Variants in MSH3 observed in about 807,000 individuals in gnomAD.
MSH3 encodes DNA mismatch repair protein Msh3.
MSH3 carries 106 observed loss-of-function variants against 123.3 expected under a neutral mutation model. The ratio of observed to expected loss-of-function variants is 0.86; its 90% confidence interval spans 0.73 to 1.01. MSH3 has a LOEUF of 1.01. Ranked by LOEUF, MSH3 falls within the 50% of genes least tolerant of loss-of-function variation. MSH3 has a pLI of 0.00. For missense variants in MSH3, 1,459 were observed against 1,347.6 expected, an observed-to-expected ratio of 1.08 and a Z score of -1.29; for synonymous variants, 515 against 481.4, an observed-to-expected ratio of 1.07 and a Z score of -0.91.
chr5:80,857,793 G>C (rs1745944293), intron 21 of MSH3, among the ~76,000 whole-genome samples: 1 of 151,968 alleles, frequency 6.6e-6, no homozygotes, highest in Non-Finnish European at 1.5e-5. Context: ...TTCTTAGTTA[G>C]CTTGACTAGA....
At chr5:80,845,828 T>G (rs1359939503) in intron 20 of MSH3, among the ~76,000 whole-genome samples, 1 of 152,182 alleles carries the variant, frequency 6.6e-6, no homozygotes, top group Non-Finnish European at 1.5e-5. Context: ...GTTTTCAGCT[T>G]CCATGTGATG....
intron 17 of MSH3, among the ~76,000 whole-genome samples, chr5:80,786,722 A>T (rs1298751994): frequency 6.6e-6 from 1 of 152,202 alleles, no homozygotes; most frequent in African/African-American, 2.4e-5. Flanking sequence ...TGATCACTAC[A>T]TACAGATGTC....
At chr5:80,822,746 C>T (rs960135590) in intron 20 of MSH3, among the ~76,000 whole-genome samples, 1 of 152,184 alleles carries the variant, frequency 6.6e-6, no homozygotes, top group Non-Finnish European at 1.5e-5. Flanking sequence ...GAGGCACCAC[C>T]CACACAGAAT....
chr5:80,841,363 G>A (rs1459357118), intron 20 of MSH3, among the ~76,000 whole-genome samples: 7 of 152,254 alleles, frequency 4.6e-5, no homozygotes, highest in Admixed American at 6.5e-5. Flanking sequence ...CACAATGAAC[G>A]TACGTGTGCA....
At chr5:80,853,104 A>G (rs958719869) in intron 20 of MSH3, among the ~76,000 whole-genome samples, 3 of 152,174 alleles carry the variant, frequency 2.0e-5, no homozygotes, top group Non-Finnish European at 4.4e-5. Context: ...TTATTGCTGC[A>G]AGGTGCTCTG....
In MSH3 at chr5:80,735,667, G is replaced by A. The variant is rs567416403; in HGVS notation, c.1569-5797G>A. Among the ~76,000 whole-genome samples, 224 of 152,084 alleles carry A rather than the reference G, an allele frequency of 1.5e-3. 1 individual carries two copies. The highest frequency in any genetic ancestry group is 5.3e-3 in the African/African-American group (218 of 41,482). On this transcript the variant is annotated intron_variant, in intron 10 of 23. Coordinates refer to ENST00000265081, the MANE Select transcript of MSH3 (RefSeq NM_002439.5). Reference sequence around the variant, plus strand: ...CATCGTACCACTGCACTCAAGCCTGGGCGACAGAGCGAGACTCCATCTCCA... The same window carrying A: ...CATCGTACCACTGCACTCAAGCCTGAGCGACAGAGCGAGACTCCATCTCCA...
At chr5:80,686,529 C>G (rs1305386559) in intron 8 of MSH3, among the ~76,000 whole-genome samples, 1 of 151,984 alleles carries the variant, frequency 6.6e-6, no homozygotes, top group African/African-American at 2.4e-5. Flanking sequence ...CCAGGCTGGT[C>G]TCGAACTCCT....
intron 10 of MSH3, among the ~76,000 whole-genome samples, chr5:80,740,147 C>G (rs1447374512): frequency 6.6e-6 from 1 of 152,186 alleles, no homozygotes; most frequent in Non-Finnish European, 1.5e-5. Flanking sequence ...TTGATTAGTA[C>G]TTCTTAACAC....
chr5:80,761,481 G>C (rs1744031686), intron 12 of MSH3, 65 bp from the exon 13 acceptor site: 1 of 1,588,170 alleles, frequency 6.3e-7, no homozygotes, highest in East Asian at 2.2e-5. Flanking sequence ...GGGCATTAGA[G>C]TGGGAAATGT....
intron 19 of MSH3, among the ~76,000 whole-genome samples, chr5:80,812,661 A>G (rs1350449879): frequency 2.1e-5 from 3 of 143,318 alleles, no homozygotes; most frequent in Non-Finnish European, 4.5e-5. Flanking sequence ...GGCTCACTGC[A>G]ACCTCCACCT....
chr5:80,656,571 T>G (rs1643639), intron 2 of MSH3, 40 bp downstream of exon 2: 1 of 1,612,738 alleles, frequency 6.2e-7, no homozygotes, highest in Non-Finnish European at 8.5e-7. Flanking sequence ...CAGTCATGGC[T>G]CTGGTATTCT....
chr5:80,874,038 A>C (rs914734193), intron 23 of MSH3, among the ~76,000 whole-genome samples: 35 of 152,174 alleles, frequency 2.3e-4, no homozygotes, highest in African/African-American at 8.4e-4. Context: ...TGGGTACATT[A>C]GTACCCTGGT....
intron 12 of MSH3, among the ~76,000 whole-genome samples, chr5:80,752,462 C>G (rs552177156): frequency 6.6e-6 from 1 of 152,060 alleles, no homozygotes; most frequent in South Asian, 2.1e-4. Flanking sequence ...TCAGTTTTTC[C>G]AAGGTCATCC....
chr5:80,836,773 A>G lies in MSH3; in HGVS notation c.2814-17357A>G, dbSNP rs1468071593. 1.4e-5 allele frequency among the ~76,000 whole-genome samples: 2 copies of G among 145,192 alleles called. 1 individual carries two copies. Among genetic ancestry groups the G allele is most frequent in the African/African-American group, 5.7e-5 (2 of 35,040 alleles). ...GCTATGTAAAGAGTTCCTATACTGT[A>G]TTATTTTTAACATTTATATTATTTT... is the stretch of plus-strand genomic sequence containing the variant. On this transcript the variant is annotated intron_variant, in intron 20 of 23. Transcript: ENST00000265081.
chr5:80,682,680 A>G (rs904933345), intron 8 of MSH3, among the ~76,000 whole-genome samples: 4 of 152,230 alleles, frequency 2.6e-5, no homozygotes, highest in Non-Finnish European at 4.4e-5. Flanking sequence ...ACATCAGGGT[A>G]AATGGGGTAT....
At chr5:80,798,066 G>A (rs560363479) in intron 19 of MSH3, among the ~76,000 whole-genome samples, 1 of 152,236 alleles carries the variant, frequency 6.6e-6, no homozygotes, top group African/African-American at 2.4e-5. Flanking sequence ...CTAATGGAGG[G>A]GAGGGGAAAG....
Position 80,784,212 on chromosome 5 carries a change from C to CAAAAAAAAAAAAAA in MSH3, c.2436-3339_2436-3326dup, listed in dbSNP as rs1192783960. Among the ~76,000 whole-genome samples, 5 of 11,992 alleles carry CAAAAAAAAAAAAAA rather than the reference C, an allele frequency of 4.2e-4. 1 individual carries two copies. Among genetic ancestry groups the CAAAAAAAAAAAAAA allele is most frequent in the Admixed American group, 2.5e-3 (2 of 794 alleles). The allele number at this position is 11,992 out of a possible 152,430, so 7.9% of individuals were successfully genotyped here. On this transcript the variant is annotated intron_variant, in intron 17 of 23. Coordinates refer to ENST00000265081, the MANE Select transcript of MSH3 (RefSeq NM_002439.5). ...GCGAAAGAGCGAGACTACTACGTCG[C>CAAAAAAAAAAAAAA]AAAAAAAAAAAAAAAAAAAAAAAAA...
At chr5:80,698,172 G>T (rs1439733788) in intron 8 of MSH3, among the ~76,000 whole-genome samples, 1 of 152,136 alleles carries the variant, frequency 6.6e-6, no homozygotes, top group Non-Finnish European at 1.5e-5. Flanking sequence ...CAAAATGTTG[G>T]AATTACAAGC....
At chr5:80,739,995 C>A (rs1158205406) in intron 10 of MSH3, among the ~76,000 whole-genome samples, 1 of 152,132 alleles carries the variant, frequency 6.6e-6, no homozygotes, top group Non-Finnish European at 1.5e-5. Flanking sequence ...AACACTTATG[C>A]CTTTCTTTTG....
Sources: gnomAD v4.1 joint callset for allele counts (sites outside exome capture counted in the v4.1 genomes callset) on GRCh38, gnomAD v4.1.1 for gene constraint, MANE v1.5 for transcripts, NCBI Gene and HGNC (gene_info 2026-07-23, HGNC 2026-07-21) for gene names.